Variants in MAP4K4 observed in about 807,000 individuals in gnomAD.
MAP4K4 encodes the protein HPK/GCK-like kinase HGK.
In MAP4K4, 38 loss-of-function variants were observed where a neutral mutation model predicts 189.6. The ratio of observed to expected loss-of-function variants is 0.20; its 90% CI spans 0.15 to 0.26. MAP4K4 has a LOEUF of 0.26. Among genes scored for constraint, MAP4K4 ranks in the 10% least tolerant of loss-of-function variants. MAP4K4 has a pLI of 1.00. For missense variants in MAP4K4, 1,054 were observed against 1,726.9 expected, an observed-to-expected ratio of 0.61 and a Z score of 6.91; for synonymous variants, 610 against 624.3, an observed-to-expected ratio of 0.98 and a Z score of 0.34.
chr2:101,790,874 C>A, intron 3 of MAP4K4, 98 bp downstream of exon 3: 1 of 1,087,184 alleles, frequency 9.2e-7, no homozygotes, highest in Non-Finnish European at 1.4e-6. Context: ...AATCTGATTA[C>A]TTGAACAAAT....
At chr2:101,868,143 T>C (rs1372913673) in intron 21 of MAP4K4, 106 bp downstream of exon 21, 24 of 1,259,894 alleles carry the variant, frequency 1.9e-5, no homozygotes, top group Non-Finnish European at 2.6e-5. Context: ...ACTTGACTTC[T>C]TGTTCTTTTC....
At chr2:101,709,642 A>G (rs1356998796) in intron 2 of MAP4K4, among the ~76,000 whole-genome samples, 1 of 152,182 alleles carries the variant, frequency 6.6e-6, no homozygotes, top group Non-Finnish European at 1.5e-5. Context: ...ATTCCCTTGT[A>G]TAATAGCCAG....
intron 2 of MAP4K4, among the ~76,000 whole-genome samples, chr2:101,737,461 A>ATTTTT (rs1173208424): frequency 2.3e-4 from 6 of 26,004 alleles, no homozygotes; most frequent in South Asian, 2.5e-3. Flanking sequence ...ATATATATAT[A>ATTTTT]TTTTTTTTTT....
At chr2:101,788,255 A>G (rs1235435079) in intron 2 of MAP4K4, among the ~76,000 whole-genome samples, 4 of 152,202 alleles carry the variant, frequency 2.6e-5, no homozygotes. Context: ...GGAAATCAGC[A>G]TGGGCCTTTG....
intron 2 of MAP4K4, among the ~76,000 whole-genome samples, chr2:101,737,534 G>A (rs1294238343): frequency 2.2e-5 from 3 of 133,948 alleles, no homozygotes; most frequent in Non-Finnish European, 4.6e-5. Context: ...GTGTGAGATT[G>A]GGAAATGTTA....
At chr2:101,750,322 A>G (rs2068124596) in intron 2 of MAP4K4, among the ~76,000 whole-genome samples, 2 of 130,228 alleles carry the variant, frequency 1.5e-5, no homozygotes, top group Middle Eastern at 7.1e-3. Context: ...ATGGAATACT[A>G]TGCAGCCATA....
chr2:101,872,912 C>T (rs577306200), intron 24 of MAP4K4, among the ~76,000 whole-genome samples: 1 of 152,302 alleles, frequency 6.6e-6, no homozygotes, highest in African/African-American at 2.4e-5. Context: ...CAGTATTTTA[C>T]TATAACCCTT....
chr2:101,839,987 C>G (rs777817077), exon 10 of MAP4K4: 11 of 1,593,972 alleles, frequency 6.9e-6, no homozygotes, highest in Non-Finnish European at 9.4e-6. Context: ...AGAAGAGAGG[C>G]GAGAAAGGTA....
intron 2 of MAP4K4, among the ~76,000 whole-genome samples, chr2:101,701,888 CGGA>C (rs1238780547): frequency 6.6e-6 from 1 of 152,018 alleles, no homozygotes; most frequent in Non-Finnish European, 1.5e-5. Context: ...TGTTTTGAGA[CGGA>C]GGTTTGCTCT....
At chr2:101,855,040 A>G (rs2097404396) in intron 12 of MAP4K4, among the ~76,000 whole-genome samples, 1 of 152,268 alleles carries the variant, frequency 6.6e-6, no homozygotes, top group African/African-American at 2.4e-5. Context: ...CAGAGAGTCC[A>G]GAGTCTAGCT....
At chr2:101,844,243 A>C (rs2097016430) in exon 12 of MAP4K4, 1 of 1,587,674 alleles carries the variant, frequency 6.3e-7, no homozygotes. Context: ...AGAATATAAA[A>C]GGCAACTGCT....
intron 12 of MAP4K4, among the ~76,000 whole-genome samples, chr2:101,845,232 A>T (rs547727538): frequency 6.6e-6 from 1 of 152,170 alleles, no homozygotes; most frequent in East Asian, 1.9e-4. Flanking sequence ...TAAGGGATGC[A>T]GAAAACAATT....
At chr2:101,884,524 T>G (rs2150260415) in intron 28 of MAP4K4, among the ~76,000 whole-genome samples, 1 of 152,340 alleles carries the variant, frequency 6.6e-6, no homozygotes, top group African/African-American at 2.4e-5. Context: ...CGGTGTGATG[T>G]TAGCTTGTAA....
chr2:101,866,478 G>C, exon 19 of MAP4K4: 2 of 1,613,740 alleles, frequency 1.2e-6, no homozygotes, highest in South Asian at 2.2e-5. Context: ...CTGGTGCCCA[G>C]ACCTGGCAGT....
At chr2:101,832,291 G>C (rs1255147530) in intron 7 of MAP4K4, among the ~76,000 whole-genome samples, 1 of 152,008 alleles carries the variant, frequency 6.6e-6, no homozygotes, top group Non-Finnish European at 1.5e-5. Flanking sequence ...TTATTAGAGT[G>C]ACCTCTAGGG....
At chr2:101,867,595 T>C in intron 20 of MAP4K4, 1 of 352,330 alleles carries the variant, frequency 2.8e-6, no homozygotes, top group Non-Finnish European at 5.1e-6. Context: ...AGTATAGTTC[T>C]TATTTAATGA....
chr2:101,718,222 C>T (rs1488099757), intron 2 of MAP4K4, among the ~76,000 whole-genome samples: 2 of 150,520 alleles, frequency 1.3e-5, no homozygotes, highest in Non-Finnish European at 2.9e-5. Context: ...CGCCATTGCA[C>T]TCCAGCCTGG....
exon 13 of MAP4K4, chr2:101,856,111 A>G: frequency 6.4e-7 from 1 of 1,551,578 alleles, no homozygotes; most frequent in Non-Finnish European, 8.7e-7. Context: ...GGGCAGAAGA[A>G]GAAAAGAGGA....
intron 2 of MAP4K4, among the ~76,000 whole-genome samples, chr2:101,761,986 C>T (rs1419000259): frequency 6.6e-6 from 1 of 152,184 alleles, no homozygotes; most frequent in East Asian, 1.9e-4. Flanking sequence ...TTGTGTAGAC[C>T]TGGGTGGACT....
Sources: allele counts gnomAD v4.1 joint callset (sites outside exome capture counted in the v4.1 genomes callset), GRCh38; gene constraint gnomAD v4.1.1; transcripts MANE v1.5; gene names NCBI Gene and HGNC (gene_info 2026-07-23, HGNC 2026-07-21).